The following ANK2 variants were observed in gnomAD, a reference collection of about 807,000 sequenced individuals.
ANK2 encodes ankyrin 2, also known as ankyrin-2.
ANK2 carries 83 observed loss-of-function variants against 360.5 expected under a neutral mutation model. That is an observed-to-expected ratio of 0.23 (90% CI 0.19 to 0.28). ANK2 has a LOEUF of 0.28. Among genes scored for constraint, ANK2 ranks in the 10% least tolerant of loss-of-function variants. The pLI is 1.00. For synonymous variants in ANK2, 1,740 were observed against 1,759.5 expected (o/e 0.99, Z 0.28); for missense variants, 4,201 against 4,795.7 (o/e 0.88, Z 3.66).
intron 2 of ANK2, among the ~76,000 whole-genome samples, chr4:112,913,348 A>G (rs1263324945): frequency 1.3e-5 from 2 of 152,188 alleles, no homozygotes; most frequent in African/African-American, 2.4e-5. Flanking sequence ...TGTAAAGTCA[A>G]TATTATCAGT....
chr4:112,872,953 T>C (rs1463647665), intron 1 of ANK2, among the ~76,000 whole-genome samples: 2 of 152,152 alleles, frequency 1.3e-5, no homozygotes, highest in Non-Finnish European at 2.9e-5. Flanking sequence ...TGGTTGATTG[T>C]ATCTTTCTAG....
intron 2 of ANK2, among the ~76,000 whole-genome samples, chr4:112,912,726 T>C (rs1181685300): frequency 1.3e-5 from 2 of 152,058 alleles, no homozygotes; most frequent in Non-Finnish European, 2.9e-5. Flanking sequence ...AGTAGAGATA[T>C]GTATATGTAA....
At chr4:113,264,351 C>T (rs191092687) in intron 13 of ANK2, among the ~76,000 whole-genome samples, 11 of 152,198 alleles carry the variant, frequency 7.2e-5, no homozygotes, top group Middle Eastern at 3.4e-3. Context: ...GTTGTGATCA[C>T]ATAGTTAAGT....
chr4:113,341,085 A>G (rs1255724429), intron 32 of ANK2, among the ~76,000 whole-genome samples: 1 of 152,244 alleles, frequency 6.6e-6, no homozygotes, highest in African/African-American at 2.4e-5. Context: ...TCATAAAGTC[A>G]TTATAGCCAA....
chr4:112,936,174 T>C (rs2093699624), intron 2 of ANK2, among the ~76,000 whole-genome samples: 1 of 152,328 alleles, frequency 6.6e-6, no homozygotes, highest in South Asian at 2.1e-4. Flanking sequence ...GAAATTATGT[T>C]AATTGAAAGT....
chr4:113,002,275 T>C lies in ANK2; in HGVS notation c.21+97761T>C, dbSNP rs569984965. 7.7e-3 allele frequency among the ~76,000 whole-genome samples: 1,170 copies of C among 152,194 alleles called. 16 individuals carry two copies. The highest frequency in any genetic ancestry group is 0.027 in the African/African-American group (1,120 of 41,528). On this transcript the variant is annotated intron_variant, in intron 2 of 30. Coordinates refer to the ANK2 transcript ENST00000503271. ...GACACATGCACACGTATGTTTATTG[T>C]GGCACTATTCACAATAGCAAAGACT... is the stretch of plus-strand genomic sequence containing the variant.
At chr4:112,862,497 TG>T (rs2068457072) in intron 1 of ANK2, among the ~76,000 whole-genome samples, 1 of 152,192 alleles carries the variant, frequency 6.6e-6, no homozygotes, top group African/African-American at 2.4e-5. Flanking sequence ...CAAGGGCAGC[TG>T]TATACCAGAG....
chr4:113,327,374 G>A (rs988042736), intron 26 of ANK2, among the ~76,000 whole-genome samples: 8 of 152,156 alleles, frequency 5.3e-5, no homozygotes, highest in Non-Finnish European at 1.2e-4. Context: ...TAACATTCAG[G>A]AGAGTCGTTC....
At chr4:112,782,740 G>A in the ANK2 span, among the ~76,000 whole-genome samples, 5 of 151,658 alleles carry the variant, frequency 3.3e-5, no homozygotes, top group African/African-American at 4.8e-5. Context: ...ATGGTGGCAG[G>A]TGCCTGTAAT....
intron 2 of ANK2, among the ~76,000 whole-genome samples, chr4:112,983,482 G>C (rs529503348): frequency 6.6e-5 from 10 of 151,862 alleles, no homozygotes; most frequent in Admixed American, 2.0e-4. Flanking sequence ...ATCGAGACCA[G>C]CCTGACCAAC....
chr4:113,062,412 G>T (rs1230065255), intron 1 of ANK2, among the ~76,000 whole-genome samples: 1 of 152,002 alleles, frequency 6.6e-6, no homozygotes, highest in East Asian at 1.9e-4. Context: ...TTATTTCAAG[G>T]TGACCAATGA....
intron 40 of ANK2, among the ~76,000 whole-genome samples, chr4:113,364,033 A>T (rs1309186690): frequency 2.6e-5 from 4 of 152,268 alleles, no homozygotes; most frequent in African/African-American, 9.6e-5. Flanking sequence ...TTAGGAAAGT[A>T]CTCAGCGAGC....
intron 26 of ANK2, among the ~76,000 whole-genome samples, chr4:113,329,240 C>G (rs1168156320): frequency 6.6e-6 from 1 of 152,124 alleles, no homozygotes; most frequent in Non-Finnish European, 1.5e-5. Context: ...TAATACCAAC[C>G]AAATGACAAG....
the ANK2 span, among the ~76,000 whole-genome samples, chr4:112,774,131 G>A: frequency 1.3e-5 from 2 of 151,800 alleles, no homozygotes; most frequent in African/African-American, 2.4e-5. Flanking sequence ...GCGCCCAGCC[G>A]GAAATCTTTA....
chr4:112,877,420 G>C (rs545926797), intron 1 of ANK2, among the ~76,000 whole-genome samples: 1 of 152,160 alleles, frequency 6.6e-6, no homozygotes, highest in South Asian at 2.1e-4. Flanking sequence ...TATGATTATA[G>C]CTCACTGCAG....
chr4:113,346,009 C>T lies in ANK2; in HGVS notation c.4358C>T (p.Pro1453Leu), dbSNP rs779986706. The change falls in exon 35 of 46, where the codon CCG (proline) becomes CTG (leucine). Residue 1453 changes from proline (P) to leucine (L), a missense_variant. Physicochemically the swap from Pro to Leu is moderately conservative, Grantham distance 98. Transcript: ENST00000357077. ...QAICNLNITL[P>L]IYTKESESDQ... ...ATTTGCAACTTAAACATCACTTTGC[C>T]GATTTATACAAAGGTATCGTAAAAT... 1.9e-6 allele frequency: 3 copies of T among 1,613,226 alleles called. No homozygotes were observed. Among genetic ancestry groups the T allele is most frequent in the East Asian group, 2.2e-5 (1 of 44,842 alleles).
chr4:113,114,005 C>T (rs535522661), intron 1 of ANK2, among the ~76,000 whole-genome samples: 1 of 152,234 alleles, frequency 6.6e-6, no homozygotes, highest in East Asian at 1.9e-4. Flanking sequence ...GGATTATGTG[C>T]TACTATCTCC....
At chr4:113,241,526 G>A (rs1251083295) in intron 8 of ANK2, among the ~76,000 whole-genome samples, 1 of 152,090 alleles carries the variant, frequency 6.6e-6, no homozygotes, top group African/African-American at 2.4e-5. Flanking sequence ...TTTTTGTAGC[G>A]ATGAGGTCTT....
intron 4 of ANK2, among the ~76,000 whole-genome samples, chr4:113,203,075 A>C (rs1311734578): frequency 6.6e-6 from 1 of 152,186 alleles, no homozygotes; most frequent in Non-Finnish European, 1.5e-5. Flanking sequence ...AGTCAAAATC[A>C]TAGAGTTGAG....
Sources: gnomAD v4.1 joint callset for allele counts (sites outside exome capture counted in the v4.1 genomes callset) on GRCh38, gnomAD v4.1.1 for gene constraint, MANE v1.5 for transcripts, NCBI Gene and HGNC (gene_info 2026-07-23, HGNC 2026-07-21) for gene names.